Variants in GALK2 observed in about 807,000 individuals in gnomAD.
GALK2 encodes galactokinase 2, also known as N-acetylgalactosamine kinase.
A neutral mutation model predicts 52.4 loss-of-function variants in GALK2; 36 were observed. The observed-to-expected ratio is 0.69, with a 90% CI of 0.53 to 0.91. The LOEUF is 0.91. Among genes scored for constraint, GALK2 ranks in the 40% least tolerant of loss-of-function variants. The pLI, the probability that GALK2 is intolerant of heterozygous loss-of-function variation, is 0.00. For synonymous variants in GALK2, 176 were observed against 199.1 expected (o/e 0.88, Z 0.98); for missense variants, 579 against 559.1 (o/e 1.04, Z -0.36).
intron 8 of GALK2, among the ~76,000 whole-genome samples, chr15:49,309,788 T>C (rs1356901872): frequency 6.6e-6 from 1 of 151,998 alleles, no homozygotes; most frequent in African/African-American, 2.4e-5. Flanking sequence ...GCCCGGCTAA[T>C]TTTGTATTTT....
chr15:49,272,190 C>G (rs545042089), intron 5 of GALK2, among the ~76,000 whole-genome samples: 1 of 152,176 alleles, frequency 6.6e-6, no homozygotes, highest in South Asian at 2.1e-4. Flanking sequence ...GCCTCAATTT[C>G]CTTCTCTATG....
intron 1 of GALK2, among the ~76,000 whole-genome samples, chr15:49,181,689 T>A (rs1013414772): frequency 1.2e-4 from 18 of 151,296 alleles, no homozygotes; most frequent in African/African-American, 2.4e-5. Context: ...TTTTTGTATT[T>A]AAAAAAAATA....
intron 1 of GALK2, among the ~76,000 whole-genome samples, chr15:49,170,903 G>A (rs970995627): frequency 9.9e-5 from 15 of 152,040 alleles, no homozygotes; most frequent in African/African-American, 3.6e-4. Context: ...ATGTCTCGGG[G>A]AGGATCTTTT....
At chr15:49,207,446 T>C (rs1424144573) in intron 2 of GALK2, among the ~76,000 whole-genome samples, 2 of 152,228 alleles carry the variant, frequency 1.3e-5, no homozygotes, top group African/African-American at 4.8e-5. Context: ...TCTTTGAATG[T>C]CTGATAGAGT....
intron 5 of GALK2, among the ~76,000 whole-genome samples, chr15:49,255,384 T>C (rs1439011329): frequency 7.0e-6 from 1 of 143,202 alleles, no homozygotes; most frequent in African/African-American, 2.5e-5. Flanking sequence ...AGTTTTTTTT[T>C]CATTTTTTTA....
chr15:49,181,852 T>C (rs910791764), intron 1 of GALK2, among the ~76,000 whole-genome samples: 9 of 152,108 alleles, frequency 5.9e-5, no homozygotes, highest in African/African-American at 2.2e-4. Flanking sequence ...TTTTAATTTT[T>C]ATTTTTTATG....
In GALK2 at chr15:49,347,912, G is replaced by A. The variant is rs144842844; in HGVS notation, c.427-19579G>A. On this transcript the variant is annotated intron_variant, in intron 3 of 3. Coordinates refer to the GALK2 transcript ENST00000558399. ...CAGATGCCTGTAGTCCCAGCTACTC[G>A]GGAGGCTGAGGCAGGAGAATTGTTT... 6.0e-3 allele frequency among the ~76,000 whole-genome samples: 915 copies of A among 151,752 alleles called. 10 individuals are homozygous for A. The highest frequency in any genetic ancestry group is 0.021 in the African/African-American group (885 of 41,342).
chr15:49,346,440 T>G lies in GALK2; in HGVS notation c.427-21051T>G, dbSNP rs1383589445. Among the ~76,000 whole-genome samples the G allele has an allele frequency of 2.6e-5, 4 of 152,282 alleles. No individual in the cohort carries two copies. The South Asian group carries it at 6.2e-4, about 24-fold the overall frequency. On this transcript the variant is annotated intron_variant, in intron 3 of 3. Transcript: ENST00000558399. ...ACACCTAAGGCCACCCCCATTTCCC[T>G]AACCCAAAAATATCCCTAAGCCTTA... is the stretch of plus-strand genomic sequence containing the variant.
chr15:49,233,859 A>G (rs1595771173), intron 3 of GALK2, among the ~76,000 whole-genome samples: 1 of 152,198 alleles, frequency 6.6e-6, no homozygotes, highest in East Asian at 1.9e-4. Context: ...CAGTATTATT[A>G]TCACGTGCCA....
intron 5 of GALK2, among the ~76,000 whole-genome samples, chr15:49,262,238 A>G (rs1408226736): frequency 6.6e-6 from 1 of 152,104 alleles, no homozygotes; most frequent in East Asian, 1.9e-4. Context: ...TATTGCCACA[A>G]TTTCAGAGCC....
At position 49,292,273 on chromosome 15, in the gene GALK2, G is replaced by A. The variant is rs1595987462; in HGVS notation, c.757-54G>A. 5.4e-6 allele frequency: 8 copies of A among 1,493,470 alleles called. No homozygotes were observed. In the South Asian group the frequency reaches 9.3e-5, roughly 17 times the overall value. The allele number at this position is 1,493,470 out of a possible 1,614,324, so 92.5% of individuals were successfully genotyped here. On this transcript the variant is annotated intron_variant, in intron 7 of 9. Coordinates refer to ENST00000560031, the MANE Select transcript of GALK2 (RefSeq NM_002044.4). ...ACGTTGAATCTGGCTAATTAAAATA[G>A]TACACATCAAATTCTGAATCAAAAC...
intron 3 of GALK2, among the ~76,000 whole-genome samples, chr15:49,348,628 T>G (rs1343265148): frequency 6.6e-6 from 1 of 152,190 alleles, no homozygotes; most frequent in Non-Finnish European, 1.5e-5. Context: ...AGAGTAGGTT[T>G]TGTTTACTTT....
At chr15:49,253,861 TCAA>T (rs1033884740) in intron 5 of GALK2, among the ~76,000 whole-genome samples, 2 of 143,940 alleles carry the variant, frequency 1.4e-5, no homozygotes, top group Non-Finnish European at 3.1e-5. Context: ...ATCATCATCA[TCAA>T]CAACAACTAC....
intron 1 of GALK2, among the ~76,000 whole-genome samples, chr15:49,192,481 A>ATATGTATATATATG (rs1173281303): frequency 1.6e-4 from 11 of 69,194 alleles, no homozygotes; most frequent in Admixed American, 2.1e-4. Context: ...TATTATATAT[A>ATATGTATATATATG]TATGTATATA....
Position 49,292,364 on chromosome 15 carries a change from T to C in GALK2, c.794T>C (p.Val265Ala). Residue 265 changes from valine to alanine, a missense_variant, in exon 8 of 10, where the codon GTA (valine) becomes GCA (alanine). By Grantham distance (64) the Val-to-Ala change is moderately conservative (BLOSUM62 0). Coordinates refer to ENST00000560031, the MANE Select transcript of GALK2 (RefSeq NM_002044.4). ...TACAAAAGCTTGCAATGGGACAAAGTACTGAGGCTGGAGGAGGTGCAGGCT... is the reference window on the plus strand; with the variant it reads ...TACAAAAGCTTGCAATGGGACAAAGCACTGAGGCTGGAGGAGGTGCAGGCT... ...AKYKSLQWDK[V>A]LRLEEVQAKL... 3.7e-6 allele frequency: 6 copies of C among 1,614,074 alleles called. No individual in the cohort carries two copies. Among genetic ancestry groups the C allele is most frequent in the Non-Finnish European group, 5.1e-6 (6 of 1,179,954 alleles).
intron 5 of GALK2, among the ~76,000 whole-genome samples, chr15:49,256,151 GACTA>G (rs1202399387): frequency 2.0e-5 from 3 of 152,102 alleles, no homozygotes; most frequent in Non-Finnish European, 4.4e-5. Flanking sequence ...AATTTGGTTT[GACTA>G]ACAAATATTT....
intron 3 of GALK2, among the ~76,000 whole-genome samples, chr15:49,361,431 T>C (rs751740318): frequency 4.6e-5 from 7 of 152,066 alleles, no homozygotes; most frequent in Non-Finnish European, 8.8e-5. Flanking sequence ...CTGGTGTCTG[T>C]TATTCCCTTC....
At chr15:49,230,881 A>T (rs1407059882) in intron 3 of GALK2, among the ~76,000 whole-genome samples, 1 of 152,228 alleles carries the variant, frequency 6.6e-6, no homozygotes, top group Non-Finnish European at 1.5e-5. Flanking sequence ...TGGATAATGT[A>T]ATGCAGGGTT....
chr15:49,172,353 T>A (rs2085161334), intron 1 of GALK2, among the ~76,000 whole-genome samples: 1 of 152,218 alleles, frequency 6.6e-6, no homozygotes, highest in Admixed American at 6.5e-5. Flanking sequence ...TCATAGTAGA[T>A]AAGCTCTGCC....
Sources: allele counts gnomAD v4.1 joint callset (sites outside exome capture counted in the v4.1 genomes callset), GRCh38; gene constraint gnomAD v4.1.1; transcripts MANE v1.5; gene names NCBI Gene and HGNC (gene_info 2026-07-23, HGNC 2026-07-21).